The following DCC variants were observed in gnomAD, a reference collection of about 807,000 sequenced individuals.
DCC encodes the protein netrin receptor DCC.
In DCC, 58 loss-of-function variants were observed where a neutral mutation model predicts 172.5. That is an observed-to-expected ratio of 0.34 (90% confidence interval 0.27 to 0.42). The LOEUF is 0.42. Ranked by LOEUF, DCC falls within the 10% of genes least tolerant of loss-of-function variation. The pLI, the probability that DCC is intolerant of heterozygous loss-of-function variation, is 1.00. For synonymous variants in DCC, 709 were observed against 644.5 expected (o/e 1.10, Z -1.52); for missense variants, 1,740 against 1,791.0 (o/e 0.97, Z 0.51).
chr18:52,846,712 C>T (rs1223296967), intron 2 of DCC, among the ~76,000 whole-genome samples: 1 of 150,402 alleles, frequency 6.6e-6, no homozygotes, highest in Non-Finnish European at 1.5e-5. Context: ...AATGGTGTGT[C>T]AGGTCTGACC....
At chr18:52,671,803 C>T (rs1335387302) in intron 1 of DCC, among the ~76,000 whole-genome samples, 2 of 152,018 alleles carry the variant, frequency 1.3e-5, no homozygotes, top group Non-Finnish European at 2.9e-5. Context: ...CCCAAATTTC[C>T]AGGATTACAG....
chr18:53,527,620 G>A (rs1318734638), intron 28 of DCC, among the ~76,000 whole-genome samples: 1 of 151,268 alleles, frequency 6.6e-6, no homozygotes, highest in Non-Finnish European at 1.5e-5. Flanking sequence ...TTTTACTAAG[G>A]AAATAAGCTA....
intron 1 of DCC, among the ~76,000 whole-genome samples, chr18:52,717,427 TTTC>T (rs2036400412): frequency 3.3e-5 from 2 of 59,716 alleles, no homozygotes; most frequent in South Asian, 2.2e-3. Context: ...AATTTCTAAA[TTTC>T]TTTTTTTTTT....
intron 5 of DCC, among the ~76,000 whole-genome samples, chr18:53,006,993 A>G (rs1183508272): frequency 6.6e-6 from 1 of 152,230 alleles, no homozygotes; most frequent in African/African-American, 2.4e-5. Context: ...CTTAGTAATC[A>G]CTATAGGCTG....
At chr18:52,678,553 G>A (rs1234525709) in intron 1 of DCC, among the ~76,000 whole-genome samples, 4 of 151,982 alleles carry the variant, frequency 2.6e-5, no homozygotes, top group Non-Finnish European at 5.9e-5. Context: ...AATTCTTTCC[G>A]CTCGACATGT....
chr18:52,572,945 C>T (rs1312680783), intron 1 of DCC, among the ~76,000 whole-genome samples: 4 of 152,162 alleles, frequency 2.6e-5, no homozygotes, highest in Non-Finnish European at 5.9e-5. Flanking sequence ...TAAACAAATG[C>T]TTCACATTAA....
intron 5 of DCC, among the ~76,000 whole-genome samples, chr18:53,024,877 A>G (rs1004785358): frequency 3.3e-5 from 5 of 152,160 alleles, no homozygotes; most frequent in African/African-American, 1.2e-4. Context: ...TAGCATGTTA[A>G]AAATAAAACA....
chr18:52,705,706 CATT>C (rs1599034004), intron 1 of DCC, among the ~76,000 whole-genome samples: 1 of 152,242 alleles, frequency 6.6e-6, no homozygotes, highest in East Asian at 1.9e-4. Flanking sequence ...TTAACCACAT[CATT>C]GAGCTGAGTG....
rs116879110 is a variant in DCC, at chr18:52,354,309, G to A, written c.91+13431G>A. ...CTGAAAGATTTTCAGCAGGGAAATG[G>A]CATTTTAGATAACACACTGTTAGTC... On this transcript the variant is annotated intron_variant, in intron 1 of 28. Coordinates refer to ENST00000442544, the MANE Select transcript of DCC (RefSeq NM_005215.4). 4.6e-5 allele frequency among the ~76,000 whole-genome samples: 7 copies of A among 152,268 alleles called. No homozygotes were observed. The East Asian group carries it at 1.4e-3, about 29-fold the overall frequency.
intron 23 of DCC, among the ~76,000 whole-genome samples, chr18:53,455,715 A>G (rs771185799): frequency 3.3e-5 from 5 of 152,234 alleles, no homozygotes; most frequent in Non-Finnish European, 7.3e-5. Flanking sequence ...TGATATTATT[A>G]AAAATGTATC....
intron 1 of DCC, among the ~76,000 whole-genome samples, chr18:52,631,822 C>G (rs2034682230): frequency 6.6e-6 from 1 of 152,174 alleles, no homozygotes; most frequent in Non-Finnish European, 1.5e-5. Flanking sequence ...CTCAAGGACT[C>G]AAGGAGGTCG....
intron 2 of DCC, among the ~76,000 whole-genome samples, chr18:52,796,060 AC>A (rs1369172087): frequency 6.7e-5 from 4 of 59,672 alleles, no homozygotes; most frequent in African/African-American, 8.8e-5. Context: ...AGGTACAGTT[AC>A]TTTTTTTTTT....
intron 22 of DCC, among the ~76,000 whole-genome samples, chr18:53,438,974 C>T (rs1423296672): frequency 1.3e-5 from 2 of 152,164 alleles, no homozygotes; most frequent in Non-Finnish European, 2.9e-5. Flanking sequence ...TTCTGCATCA[C>T]TTAATGATGT....
intron 7 of DCC, among the ~76,000 whole-genome samples, chr18:53,129,078 C>T (rs1012922069): frequency 3.3e-5 from 5 of 151,350 alleles, no homozygotes; most frequent in African/African-American, 7.3e-5. Context: ...GTGGAGATGA[C>T]GTTTCACCCT....
At position 52,412,219 on chromosome 18, in the gene DCC, G is replaced by GGCATGTATACACATGTAT. The variant is rs1319006302; in HGVS notation, c.91+71343_91+71360dup. Among the ~76,000 whole-genome samples, 3 of 152,018 alleles carry GGCATGTATACACATGTAT rather than the reference G, an allele frequency of 2.0e-5. No homozygotes were observed. The East Asian group carries it at 5.8e-4, about 29-fold the overall frequency. ...GTGTATGTGTCTGTGTGTTTGTAAA[G>GGCATGTATACACATGTAT]GCATGTATACACATGTATGTATGTA... On this transcript the variant is annotated intron_variant, in intron 1 of 28. Transcript: ENST00000442544.
chr18:52,343,073 A>G (rs1057469885), intron 1 of DCC, among the ~76,000 whole-genome samples: 2 of 152,166 alleles, frequency 1.3e-5, no homozygotes, highest in Non-Finnish European at 2.9e-5. Flanking sequence ...GCACTTCTAA[A>G]TCTATATCTG....
At chr18:53,521,832 G>A (rs1468251609) in intron 27 of DCC, among the ~76,000 whole-genome samples, 1 of 152,124 alleles carries the variant, frequency 6.6e-6, no homozygotes, top group African/African-American at 2.4e-5. Context: ...AGGGAGTCTA[G>A]GTCAAAAATA....
chr18:52,810,938 G>A (rs2145248729), intron 2 of DCC, among the ~76,000 whole-genome samples: 1 of 152,262 alleles, frequency 6.6e-6, no homozygotes, highest in South Asian at 2.1e-4. Flanking sequence ...GATGGCAGAT[G>A]GCACGTTGTT....
At chr18:53,259,689 T>C (rs2056569862) in intron 12 of DCC, among the ~76,000 whole-genome samples, 1 of 152,172 alleles carries the variant, frequency 6.6e-6, no homozygotes, top group African/African-American at 2.4e-5. Context: ...ATTAAGTGTC[T>C]TGGAGTTGCT....
Sources: gnomAD v4.1 joint callset for allele counts (sites outside exome capture counted in the v4.1 genomes callset) on GRCh38, gnomAD v4.1.1 for gene constraint, MANE v1.5 for transcripts, NCBI Gene and HGNC (gene_info 2026-07-23, HGNC 2026-07-21) for gene names.